The following ADGRE3 variants were observed in gnomAD, a reference collection of about 807,000 sequenced individuals.
ADGRE3 encodes adhesion G protein-coupled receptor E3, also known as EGF-like module receptor 3.
A neutral mutation model predicts 80.1 loss-of-function variants in ADGRE3; 88 were observed. The ratio of observed to expected loss-of-function variants is 1.10; its 90% confidence interval spans 0.93 to 1.31. The LOEUF (loss-of-function observed/expected upper bound fraction) is 1.31, where lower values mean the gene tolerates loss of function less well. Ranked by LOEUF, ADGRE3 falls within the 40% of genes most tolerant of loss-of-function variation. ADGRE3 has a pLI of 0.00. For synonymous variants in ADGRE3, 281 were observed against 294.8 expected, an observed-to-expected ratio of 0.95 and a Z score of 0.48; for missense variants, 715 against 776.5, an observed-to-expected ratio of 0.92 and a Z score of 0.94.
chr19:14,649,134 C>T lies in ADGRE3; in HGVS notation c.698-1769G>A, dbSNP rs1175627158. Among the ~76,000 whole-genome samples, 4 of 150,820 alleles carry T rather than the reference C, an allele frequency of 2.7e-5. No individual in the cohort carries two copies. The East Asian group carries it at 7.9e-4, about 30-fold the overall frequency. On this transcript the variant is annotated intron_variant, in intron 7 of 15. Coordinates refer to ENST00000253673, the MANE Select transcript of ADGRE3 (RefSeq NM_032571.5). ...TCCCCATCTCTCGAATTCCGTCTCT[C>T]TCTCCACATCTCTCTCTTTCCATCT... is the stretch of plus-strand genomic sequence containing the variant.
intron 2 of ADGRE3, among the ~76,000 whole-genome samples, chr19:14,667,664 G>A (rs1972141115): frequency 6.6e-6 from 1 of 152,034 alleles, no homozygotes; most frequent in African/African-American, 2.4e-5. Flanking sequence ...CACAGGGTGG[G>A]GAACATCACA....
intron 10 of ADGRE3, among the ~76,000 whole-genome samples, chr19:14,639,721 G>C (rs1971194944): frequency 1.3e-5 from 2 of 152,048 alleles, no homozygotes; most frequent in African/African-American, 4.8e-5. Context: ...TGGCCCAAGG[G>C]ATTATTTTAA....
At position 14,655,177 on chromosome 19, in the gene ADGRE3, T is replaced by G. The variant is rs113176181; in HGVS notation, c.394-12A>C. ...ACAATCTTTTGCAGCTTTGAAGACA[T>G]AAAGAATTTTCATTTTTTAAAAATG... On this transcript the variant is annotated splice_polypyrimidine_tract_variant and intron_variant, in intron 5 of 15. Coordinates refer to ENST00000253673, the MANE Select transcript of ADGRE3 (RefSeq NM_032571.5). 1 of 1,594,162 alleles carries G rather than the reference T, an allele frequency of 6.3e-7. No homozygotes were observed.
chr19:14,665,167 C>G (rs1165857524), intron 2 of ADGRE3, among the ~76,000 whole-genome samples: 1 of 150,292 alleles, frequency 6.7e-6, no homozygotes, highest in Non-Finnish European at 1.5e-5. Context: ...GGGTTCATGC[C>G]ATTCTCCTGC....
chr19:14,620,411 TATATTC>T, intron 15 of ADGRE3, among the ~76,000 whole-genome samples: 1 of 116,578 alleles, frequency 8.6e-6, no homozygotes, highest in Middle Eastern at 4.1e-3. Flanking sequence ...AATATATATG[TATATTC>T]ATGTATATAT....
intron 6 of ADGRE3, among the ~76,000 whole-genome samples, chr19:14,654,607 A>G (rs1971701603): frequency 6.6e-6 from 1 of 152,054 alleles, no homozygotes; most frequent in Non-Finnish European, 1.5e-5. Context: ...TGGGATTGGA[A>G]ACTATTGGCA....
intron 13 of ADGRE3, among the ~76,000 whole-genome samples, chr19:14,630,434 A>C (rs1251741439): frequency 6.8e-6 from 1 of 147,784 alleles, no homozygotes; most frequent in Non-Finnish European, 1.5e-5. Flanking sequence ...TTTGAGATGG[A>C]GTCTTGCTCT....
At chr19:14,656,720 T>C (rs1345983581) in intron 5 of ADGRE3, among the ~76,000 whole-genome samples, 1 of 152,200 alleles carries the variant, frequency 6.6e-6, no homozygotes, top group Non-Finnish European at 1.5e-5. Flanking sequence ...GCTGCTGGCA[T>C]TGACCCATAA....
At chr19:14,631,582 TA>T (rs1312593448) in intron 13 of ADGRE3, among the ~76,000 whole-genome samples, 7 of 151,360 alleles carry the variant, frequency 4.6e-5, no homozygotes, top group Non-Finnish European at 1.0e-4. Flanking sequence ...ATAGTGTATA[TA>T]AAAATATACA....
intron 2 of ADGRE3, among the ~76,000 whole-genome samples, chr19:14,666,366 G>GT (rs1263191072): frequency 1.6e-5 from 2 of 123,562 alleles, no homozygotes; most frequent in East Asian, 5.1e-4. Context: ...ATTTTTTCAT[G>GT]TTTCTTGGCC....
rs114104678 is a variant in ADGRE3, at chr19:14,658,533, T to G, written c.373A>C (p.Thr125Pro). The stretch of plus-strand genomic sequence containing the variant: ...CTCACCTCTTTCCTGCCCTCGGTTG[T>G]CTTTGAGGAGGTGGTGTCTGCAAAA... ...NTCQDTTSSKTTEGRKELQKI... is the reference protein window; with the variant it reads ...NTCQDTTSSKPTEGRKELQKI... Residue 125 changes from threonine (T) to proline (P), a missense_variant, in exon 5 of 16, where the codon ACA becomes CCA. Physicochemically the swap from Thr to Pro is conservative, Grantham distance 38. Coordinates refer to ENST00000253673, the MANE Select transcript of ADGRE3 (RefSeq NM_032571.5). 7.9e-4 allele frequency: 1,232 copies of G among 1,569,248 alleles called. 16 individuals carry two copies. The African/African-American group carries it at 0.015, about 19-fold the overall frequency.
intron 10 of ADGRE3, 90 bp from the exon 11 acceptor site, chr19:14,638,430 C>A (rs1310965621): frequency 3.4e-6 from 3 of 881,370 alleles, no homozygotes; most frequent in Non-Finnish European, 5.4e-6. Flanking sequence ...GGGTTCAGAG[C>A]ACCTGACATC....
At chr19:14,606,908 A>C in the ADGRE3 span, 1 of 585,778 alleles carries the variant, frequency 1.7e-6, no homozygotes, top group East Asian at 3.6e-5. Context: ...CCAAGCCCTA[A>C]ATATGTAGGA....
At chr19:14,670,587 C>T (rs1382464057) in intron 1 of ADGRE3, among the ~76,000 whole-genome samples, 1 of 152,206 alleles carries the variant, frequency 6.6e-6, no homozygotes, top group African/African-American at 2.4e-5. Context: ...TTTGCTCTTC[C>T]CCATGCCTTT....
chr19:14,639,640 G>A (rs781177324), intron 10 of ADGRE3, among the ~76,000 whole-genome samples: 1 of 151,910 alleles, frequency 6.6e-6, no homozygotes, highest in Admixed American at 6.6e-5. Flanking sequence ...GGCCTCAAAC[G>A]CCTGGCCTCA....
intron 5 of ADGRE3, among the ~76,000 whole-genome samples, chr19:14,658,057 G>A (rs919208914): frequency 2.6e-5 from 4 of 152,110 alleles, no homozygotes; most frequent in Non-Finnish European, 5.9e-5. Flanking sequence ...GAGCCACCAC[G>A]CCAAGCCCGG....
intron 5 of ADGRE3, among the ~76,000 whole-genome samples, chr19:14,657,554 CTA>C (rs35910733): frequency 3.3e-5 from 5 of 149,416 alleles, no homozygotes; most frequent in Non-Finnish European, 3.0e-5. Flanking sequence ...ATACCTATAT[CTA>C]TATATATATA....
chr19:14,642,962 G>GT (rs1211051235), intron 9 of ADGRE3, among the ~76,000 whole-genome samples: 2 of 152,028 alleles, frequency 1.3e-5, no homozygotes, highest in East Asian at 3.9e-4. Flanking sequence ...AGGATTGCTG[G>GT]GTTGAATGGT....
chr19:14,651,241 G>T (rs1240759661), intron 6 of ADGRE3, 37 bp from the exon 7 acceptor site: 2 of 1,612,398 alleles, frequency 1.2e-6, no homozygotes, highest in Non-Finnish European at 1.7e-6. Context: ...TAGTGATATT[G>T]TAAGAAACTT....
Sources: allele counts gnomAD v4.1 joint callset (sites outside exome capture counted in the v4.1 genomes callset), GRCh38; gene constraint gnomAD v4.1.1; transcripts MANE v1.5; gene names NCBI Gene and HGNC (gene_info 2026-07-23, HGNC 2026-07-21).